The following IL1RAPL2 variants were observed in gnomAD, a reference collection of about 807,000 sequenced individuals.
IL1RAPL2 encodes the protein interleukin 1 receptor accessory protein like 2, also known as X-linked interleukin-1 receptor accessory protein-like 2.
A neutral mutation model predicts 44.1 loss-of-function variants in IL1RAPL2; 3 were observed. That is an observed-to-expected ratio of 0.07 (90% CI 0.03 to 0.18). IL1RAPL2 has a LOEUF of 0.18. Among genes scored for constraint, IL1RAPL2 ranks in the 10% least tolerant of loss-of-function variants. IL1RAPL2 has a pLI of 1.00. For synonymous variants in IL1RAPL2, 181 were observed against 178.8 expected (o/e 1.01, Z -0.10); for missense variants, 391 against 496.4 (o/e 0.79, Z 2.02).
chrX:104,635,175 C>G (rs1341342653), intron 1 of IL1RAPL2, among the ~76,000 whole-genome samples: 3 of 111,940 alleles, frequency 2.7e-5, no homozygotes, highest in Non-Finnish European at 3.8e-5. Flanking sequence ...TTGGCCCCCA[C>G]TCTCTTCTGG....
chrX:105,443,772 T>G (rs2035936410), intron 5 of IL1RAPL2, among the ~76,000 whole-genome samples: 1 of 112,534 alleles, frequency 8.9e-6, no homozygotes, highest in Non-Finnish European at 1.9e-5. Context: ...TTTCCAAATC[T>G]TGGCAATTGT....
chrX:104,850,528 A>G (rs776866142), intron 2 of IL1RAPL2, among the ~76,000 whole-genome samples: 1,132 of 111,946 alleles, frequency 0.01, 8 homozygotes, highest in African/African-American at 0.033. Context: ...TGAGTCTTTC[A>G]TAAACATTTA....
At chrX:105,172,288 C>T (rs932133446) in intron 2 of IL1RAPL2, among the ~76,000 whole-genome samples, 2 of 112,484 alleles carry the variant, frequency 1.8e-5, no homozygotes, top group Admixed American at 1.9e-4. Context: ...CTATTACTGC[C>T]ATAACAGATT....
intron 2 of IL1RAPL2, among the ~76,000 whole-genome samples, chrX:105,025,697 T>C (rs1049042029): frequency 2.2e-4 from 24 of 111,600 alleles, no homozygotes; most frequent in Admixed American, 2.0e-3. Flanking sequence ...ATATTATTTA[T>C]AAGAAAAAGC....
intron 2 of IL1RAPL2, among the ~76,000 whole-genome samples, chrX:104,742,817 A>G (rs773303632): frequency 3.3e-4 from 37 of 111,742 alleles, no homozygotes; most frequent in Admixed American, 5.7e-4. Context: ...AGAAAGAAGG[A>G]AAAACTCCAT....
At chrX:105,148,131 C>T (rs1319466377) in intron 2 of IL1RAPL2, among the ~76,000 whole-genome samples, 1 of 111,616 alleles carries the variant, frequency 9.0e-6, no homozygotes, top group African/African-American at 3.3e-5. Flanking sequence ...GATATATTGA[C>T]ATTTGCATTA....
At chrX:104,625,457 CTTA>C (rs769550473) in intron 1 of IL1RAPL2, among the ~76,000 whole-genome samples, 20 of 111,624 alleles carry the variant, frequency 1.8e-4, no homozygotes, top group Non-Finnish European at 3.2e-4. Flanking sequence ...AAATAATGTA[CTTA>C]TTATAATAAT....
At chrX:104,942,402 A>G (rs1220409181) in intron 2 of IL1RAPL2, among the ~76,000 whole-genome samples, 1 of 110,972 alleles carries the variant, frequency 9.0e-6, no homozygotes, top group Non-Finnish European at 1.9e-5. Context: ...GTTCTTCTTG[A>G]AGAGGTCCTT....
chrX:104,625,195 T>A (rs958146946), intron 1 of IL1RAPL2, among the ~76,000 whole-genome samples: 1 of 111,735 alleles, frequency 8.9e-6, no homozygotes, highest in African/African-American at 3.2e-5. Context: ...CATCCATGCA[T>A]CCATCCACAT....
At chrX:105,196,288 GAAAAA>G (rs1306632419) in intron 3 of IL1RAPL2, among the ~76,000 whole-genome samples, 1 of 109,835 alleles carries the variant, frequency 9.1e-6, no homozygotes, top group African/African-American at 3.3e-5. Flanking sequence ...TCTCAAAAAA[GAAAAA>G]AAGAAAATAA....
intron 5 of IL1RAPL2, among the ~76,000 whole-genome samples, chrX:105,402,789 T>C (rs764611976): frequency 1.8e-5 from 2 of 111,990 alleles, no homozygotes; most frequent in South Asian, 7.4e-4. Context: ...GTCAGTAAAT[T>C]GTTCTACTTA....
intron 5 of IL1RAPL2, among the ~76,000 whole-genome samples, chrX:105,478,254 G>T (rs979757797): frequency 9.0e-6 from 1 of 111,168 alleles, no homozygotes; most frequent in Non-Finnish European, 1.9e-5. Context: ...TTTCACAACT[G>T]GGGGAAGGTC....
intron 2 of IL1RAPL2, among the ~76,000 whole-genome samples, chrX:105,020,711 A>G (rs775990423): frequency 1.1e-4 from 12 of 111,664 alleles, no homozygotes; most frequent in Middle Eastern, 9.3e-3. Flanking sequence ...TCTTATTGCT[A>G]TCTCTGGGAA....
rs987987093 is a variant in IL1RAPL2 at position 104,697,984 on chromosome X, A to T, written c.82+38989A>T. Reference sequence around the variant, plus strand: ...ATTGACCAGGGCTATAGTCATCTCAAAGTTTAACTGGGGAATGATCAATTC... The same window carrying T: ...ATTGACCAGGGCTATAGTCATCTCATAGTTTAACTGGGGAATGATCAATTC... On this transcript the variant is annotated intron_variant, in intron 2 of 10. Transcript: ENST00000372582. Among the ~76,000 whole-genome samples, 6 of 112,158 alleles carry T rather than the reference A, an allele frequency of 5.3e-5. No homozygotes were observed. In the Admixed American group the frequency reaches 5.7e-4, roughly 11 times the overall value.
intron 2 of IL1RAPL2, among the ~76,000 whole-genome samples, chrX:104,984,237 G>A (rs1050777836): frequency 1.3e-4 from 15 of 111,689 alleles, no homozygotes; most frequent in Non-Finnish European, 2.4e-4. Context: ...ATGTATGAGC[G>A]CAGAGTTAAT....
intron 4 of IL1RAPL2, among the ~76,000 whole-genome samples, chrX:105,249,398 ATAGT>A (rs1428333101): frequency 9.0e-6 from 1 of 111,531 alleles, no homozygotes; most frequent in Non-Finnish European, 1.9e-5. Flanking sequence ...ATACAAAAAA[ATAGT>A]TAGGAAAAAT....
At chrX:104,727,136 A>C (rs1393813556) in intron 2 of IL1RAPL2, among the ~76,000 whole-genome samples, 1 of 111,450 alleles carries the variant, frequency 9.0e-6, no homozygotes, top group Non-Finnish European at 1.9e-5. Flanking sequence ...GTTTCTGCAC[A>C]GAACAAGAAA....
At chrX:105,641,970 T>C (rs141274991) in intron 6 of IL1RAPL2, among the ~76,000 whole-genome samples, 5 of 111,498 alleles carry the variant, frequency 4.5e-5, no homozygotes, top group Non-Finnish European at 9.4e-5. Context: ...CTGACCCTTT[T>C]TGAGTATTGT....
chrX:104,631,756 A>G (rs1459686032), intron 1 of IL1RAPL2, among the ~76,000 whole-genome samples: 2 of 111,278 alleles, frequency 1.8e-5, no homozygotes, highest in Middle Eastern at 4.6e-3. Flanking sequence ...TTGTCAGATG[A>G]GTAGATTGCA....
Sources: gnomAD v4.1 joint callset for allele counts (sites outside exome capture counted in the v4.1 genomes callset) on GRCh38, gnomAD v4.1.1 for gene constraint, MANE v1.5 for transcripts, NCBI Gene and HGNC (gene_info 2026-07-23, HGNC 2026-07-21) for gene names.